IGF1R: variants seen among roughly 807,000 people sequenced by gnomAD.
IGF1R encodes the protein insulin like growth factor 1 receptor, also known as insulin-like growth factor 1 receptor.
IGF1R carries 44 observed loss-of-function variants against 144.6 expected under a neutral mutation model. The observed-to-expected ratio is 0.30, with a 90% confidence interval of 0.24 to 0.39. The LOEUF (loss-of-function observed/expected upper bound fraction) is 0.39. Ranked by LOEUF, IGF1R falls within the 10% of genes least tolerant of loss-of-function variation. IGF1R has a pLI of 1.00. For synonymous variants in IGF1R, 795 were observed against 722.8 expected (o/e 1.10, Z -1.60); for missense variants, 1,355 against 1,833.7 (o/e 0.74, Z 4.77).
intron 2 of IGF1R, among the ~76,000 whole-genome samples, chr15:98,881,845 A>G (rs766905139): frequency 1.3e-5 from 2 of 152,202 alleles, no homozygotes; most frequent in Non-Finnish European, 2.9e-5. Flanking sequence ...ATGCAGAAAT[A>G]TATGTGAGAT....
At chr15:98,897,311 G>T (rs1246312796) in intron 4 of IGF1R, 1 of 207,466 alleles carries the variant, frequency 4.8e-6, no homozygotes, top group Non-Finnish European at 9.9e-6. Context: ...TTACTGAGAA[G>T]ACTGAGCAAA....
chr15:98,692,859 G>T (rs1008125860), intron 1 of IGF1R, among the ~76,000 whole-genome samples: 6 of 152,146 alleles, frequency 3.9e-5, no homozygotes, highest in African/African-American at 7.2e-5. Flanking sequence ...TATAGACGTA[G>T]CCACCCCCGC....
chr15:98,840,154 T>C (rs2011148907), intron 2 of IGF1R, among the ~76,000 whole-genome samples: 1 of 152,146 alleles, frequency 6.6e-6, no homozygotes, highest in African/African-American at 2.4e-5. Flanking sequence ...GCACAGTGAG[T>C]GCAGGGAGGA....
At chr15:98,875,909 C>T (rs931726759) in intron 2 of IGF1R, among the ~76,000 whole-genome samples, 2 of 152,124 alleles carry the variant, frequency 1.3e-5, no homozygotes, top group African/African-American at 2.4e-5. Flanking sequence ...ATACGCATCA[C>T]GTCTGAAGGG....
At chr15:98,711,707 C>A (rs187141438) in intron 2 of IGF1R, among the ~76,000 whole-genome samples, 2 of 152,296 alleles carry the variant, frequency 1.3e-5, no homozygotes, top group African/African-American at 2.4e-5. Context: ...TTCCTACCCC[C>A]ACAGGTGCCG....
rs979424844 is a variant in IGF1R, at chr15:98,957,508, G to A, written c.*66G>A. ...ACGCGCAGCGGGGTGGGGGGGGAGA[G>A]AGAGTTTTAACAATCCATTCACAAG... is the stretch of plus-strand genomic sequence containing the variant. On this transcript the variant is annotated 3_prime_UTR_variant, in exon 21 of 21. Transcript: ENST00000650285. The A allele has an allele frequency of 3.1e-6, 5 of 1,603,592 alleles. No individual in the cohort carries two copies. The African/African-American group carries it at 4.0e-5, about 13-fold the overall frequency.
At chr15:98,869,452 T>TTA (rs1555454968) in intron 2 of IGF1R, among the ~76,000 whole-genome samples, 9 of 151,156 alleles carry the variant, frequency 6.0e-5, no homozygotes, top group African/African-American at 1.7e-4. Flanking sequence ...TTTTTTTTTT[T>TTA]AGACGGCGTT....
chr15:98,918,306 C>T (rs1596448442), intron 10 of IGF1R, among the ~76,000 whole-genome samples: 1 of 152,164 alleles, frequency 6.6e-6, no homozygotes, highest in African/African-American at 2.4e-5. Context: ...TCACTGCCCC[C>T]GACCCTGAGA....
At chr15:98,805,785 AAC>A (rs2056458546) in intron 2 of IGF1R, among the ~76,000 whole-genome samples, 1 of 152,212 alleles carries the variant, frequency 6.6e-6, no homozygotes, top group African/African-American at 2.4e-5. Flanking sequence ...AAGGACTCTG[AAC>A]TGTTGCTACT....
intron 1 of IGF1R, among the ~76,000 whole-genome samples, chr15:98,688,414 CTGTGTGTGTGTG>C (rs10528336): frequency 4.4e-3 from 625 of 143,608 alleles, no homozygotes; most frequent in Non-Finnish European, 6.8e-3. Flanking sequence ...CAACACACAC[CTGTGTGTGTGTG>C]TGTGTGTGTG....
At chr15:98,906,938 A>G (rs2014761336) in intron 5 of IGF1R, among the ~76,000 whole-genome samples, 1 of 152,230 alleles carries the variant, frequency 6.6e-6, no homozygotes, top group African/African-American at 2.4e-5. Context: ...TTGTGTGGAC[A>G]GAGAGCCCAG....
chr15:98,897,019 A>G (rs1380793819), intron 4 of IGF1R, 114 bp downstream of exon 4: 33 of 960,714 alleles, frequency 3.4e-5, no homozygotes, highest in East Asian at 3.0e-4. Flanking sequence ...GATAAACAAC[A>G]TGGTGTGTAA....
At chr15:98,674,004 A>C (rs541876871) in intron 1 of IGF1R, among the ~76,000 whole-genome samples, 1 of 152,204 alleles carries the variant, frequency 6.6e-6, no homozygotes, top group Non-Finnish European at 1.5e-5. Flanking sequence ...GACAAGTTTC[A>C]TTGGCAGAGT....
intron 2 of IGF1R, among the ~76,000 whole-genome samples, chr15:98,762,515 G>T (rs1277981035): frequency 6.6e-6 from 1 of 152,184 alleles, no homozygotes; most frequent in African/African-American, 2.4e-5. Context: ...ATCACCTGAG[G>T]TCAGGAGTTT....
intron 1 of IGF1R, among the ~76,000 whole-genome samples, chr15:98,679,449 C>T (rs1238999169): frequency 6.6e-6 from 1 of 152,118 alleles, no homozygotes; most frequent in African/African-American, 2.4e-5. Context: ...CAATGGTGGA[C>T]CTCGTCTGTA....
intron 3 of IGF1R, among the ~76,000 whole-genome samples, chr15:98,894,178 G>T (rs1008047593): frequency 2.6e-5 from 4 of 152,026 alleles, no homozygotes; most frequent in African/African-American, 9.7e-5. Flanking sequence ...GGGCTCAAGT[G>T]ATCCTCCTGC....
rs538439154 is a variant in IGF1R at position 98,889,755 on chromosome 15, TCTTTA to T, written c.641-1566_641-1562del. ...GTGGACTTACTTGTTCTCTATATTC[TCTTTA>T]CTTGTTTGTGATCTCTGGTTTTTTT... On this transcript the variant is annotated intron_variant, in intron 2 of 20. Coordinates refer to ENST00000650285, the MANE Select transcript of IGF1R (RefSeq NM_000875.5). Among the ~76,000 whole-genome samples, 26 of 152,334 alleles carry T rather than the reference TCTTTA, an allele frequency of 1.7e-4. No homozygotes were observed. The East Asian group carries it at 4.1e-3, about 24-fold the overall frequency.
chr15:98,802,313 G>A (rs2056380112), intron 2 of IGF1R, among the ~76,000 whole-genome samples: 1 of 152,152 alleles, frequency 6.6e-6, no homozygotes, highest in Non-Finnish European at 1.5e-5. Context: ...CATGTTGTAC[G>A]TCATCTCTGA....
intron 2 of IGF1R, among the ~76,000 whole-genome samples, chr15:98,720,639 T>C (rs1008255332): frequency 6.6e-6 from 1 of 152,146 alleles, no homozygotes; most frequent in Non-Finnish European, 1.5e-5. Flanking sequence ...ACCTCAGTGA[T>C]AGGGCAGAAG....
Sources: gnomAD v4.1 joint callset for allele counts (sites outside exome capture counted in the v4.1 genomes callset) on GRCh38, gnomAD v4.1.1 for gene constraint, MANE v1.5 for transcripts, NCBI Gene and HGNC (gene_info 2026-07-23, HGNC 2026-07-21) for gene names.